The following KLB variants were observed in gnomAD, a reference collection of about 807,000 sequenced individuals.
KLB encodes the protein klotho beta.
Under a neutral mutation model 88.4 loss-of-function variants are expected in KLB, and 44 were observed. The observed-to-expected ratio is 0.50, with a 90% CI of 0.39 to 0.64. The LOEUF (loss-of-function observed/expected upper bound fraction) is 0.64. KLB is among the 30% of genes least tolerant of loss of function. KLB has a pLI of 0.00. For missense variants in KLB, 1,137 were observed against 1,304.8 expected, an observed-to-expected ratio of 0.87 and a Z score of 1.98; for synonymous variants, 548 against 513.4, an observed-to-expected ratio of 1.07 and a Z score of -0.91.
chr4:39,407,871 C>A, intron 1 of KLB, 97 bp downstream of exon 1: 1 of 692,846 alleles, frequency 1.4e-6, no homozygotes, highest in Non-Finnish European at 2.3e-6. Context: ...GAAATCAAGG[C>A]AACTGATTTT....
At chr4:39,447,828 G>C (rs183824707) in intron 4 of KLB, among the ~76,000 whole-genome samples, 314 of 152,252 alleles carry the variant, frequency 2.1e-3, no homozygotes, top group Non-Finnish European at 1.4e-3. Context: ...AAATTTATGG[G>C]ATGCATGAAA....
intron 1 of KLB, among the ~76,000 whole-genome samples, chr4:39,411,577 T>C (rs138855442): frequency 0.014 from 2,097 of 151,482 alleles, 52 homozygotes; most frequent in African/African-American, 0.049. Context: ...TGGCGTGCAG[T>C]GGCTCGATCT....
At chr4:39,442,729 G>A (rs577751966) in intron 3 of KLB, among the ~76,000 whole-genome samples, 2 of 152,042 alleles carry the variant, frequency 1.3e-5, no homozygotes, top group Admixed American at 6.5e-5. Context: ...CACTGCACCC[G>A]GCCTCTGCCT....
intron 1 of KLB, among the ~76,000 whole-genome samples, chr4:39,422,473 C>T (rs1318778994): frequency 6.6e-6 from 1 of 152,150 alleles, no homozygotes; most frequent in African/African-American, 2.4e-5. Context: ...GGTTTCCTCT[C>T]CTCTAAGTGG....
rs1481860661 is a variant in KLB at position 39,440,644 on chromosome 4, G to A, written c.1605+2649G>A. On this transcript the variant is annotated intron_variant, in intron 3 of 4. Coordinates refer to ENST00000257408, the MANE Select transcript of KLB (RefSeq NM_175737.4). ...TGTTGCCTGGCTCACTGCAACCTCC[G>A]CCTCCCGTGTTCGTGCAATTCTCCT... Among the ~76,000 whole-genome samples, 5 of 151,870 alleles carry A rather than the reference G, an allele frequency of 3.3e-5. No homozygotes were observed. The East Asian group carries it at 7.7e-4, about 23-fold the overall frequency.
In KLB at chr4:39,435,304, G is replaced by A. The variant is rs1578210737; in HGVS notation, c.1336+584G>A. On this transcript the variant is annotated intron_variant, in intron 2 of 4. Transcript: ENST00000257408. ...AGCTAATTTTTTATATTTTGGTAGAGATGGAGTTACATCATGTTGGCCAGG... is the reference window on the plus strand; with the variant it reads ...AGCTAATTTTTTATATTTTGGTAGAAATGGAGTTACATCATGTTGGCCAGG... Among the ~76,000 whole-genome samples the A allele has an allele frequency of 2.0e-5, 3 of 151,332 alleles. No homozygotes were observed. In the South Asian group the frequency reaches 6.3e-4, roughly 32 times the overall value.
intron 1 of KLB, among the ~76,000 whole-genome samples, chr4:39,417,816 A>G (rs1270589213): frequency 6.6e-6 from 1 of 152,184 alleles, no homozygotes; most frequent in African/African-American, 2.4e-5. Context: ...TTTGCCAGGT[A>G]GGTGTTCTGA....
rs1013200272 is a variant in KLB, at chr4:39,442,018, G to A, written c.1605+4023G>A. Among the ~76,000 whole-genome samples the A allele has an allele frequency of 2.0e-5, 3 of 152,228 alleles. No individual in the cohort carries two copies. In the East Asian group the frequency reaches 5.8e-4, roughly 29 times the overall value. Reference sequence around the variant, plus strand: ...GCACTTTGGGAGGCCAAGGTGGGAGGATCACTTGAGCTCAGGAGTTTGAGA... The same window carrying A: ...GCACTTTGGGAGGCCAAGGTGGGAGAATCACTTGAGCTCAGGAGTTTGAGA... On this transcript the variant is annotated intron_variant, in intron 3 of 4. Coordinates refer to ENST00000257408, the MANE Select transcript of KLB (RefSeq NM_175737.4).
chr4:39,439,912 C>A (rs995018729), intron 3 of KLB, among the ~76,000 whole-genome samples: 4 of 152,124 alleles, frequency 2.6e-5, no homozygotes, highest in African/African-American at 9.7e-5. Flanking sequence ...AGGTTATCCA[C>A]CCACCCCGGC....
At chr4:39,416,956 T>A (rs1742977315) in intron 1 of KLB, among the ~76,000 whole-genome samples, 1 of 152,150 alleles carries the variant, frequency 6.6e-6, no homozygotes, top group Non-Finnish European at 1.5e-5. Context: ...AAGACTCTTT[T>A]GCCCAAATCC....
intron 2 of KLB, among the ~76,000 whole-genome samples, chr4:39,437,206 C>T (rs1743492009): frequency 6.6e-6 from 1 of 152,200 alleles, no homozygotes; most frequent in Admixed American, 6.5e-5. Context: ...TGCTCTTTAG[C>T]CCAGCCAGTT....
At chr4:39,440,921 G>T (rs1218671093) in intron 3 of KLB, among the ~76,000 whole-genome samples, 1 of 152,088 alleles carries the variant, frequency 6.6e-6, no homozygotes, top group Non-Finnish European at 1.5e-5. Context: ...GCAGTGGCGT[G>T]ATCTCAGCTC....
Position 39,407,432 on chromosome 4 carries a change from T to C in KLB, c.483T>C (p.Asp161=). The change falls in exon 1 of 5, where the codon GAT becomes GAC. Residue 161 remains aspartate (D), a synonymous_variant. Transcript: ENST00000257408. ...TTTCCTGGCCAAGGCTTTTCCCCGA[T>C]GGAATAGTAACAGTTGCCAACGCAA... The part of the protein sequence containing the change: ...FSISWPRLFP[D]GIVTVANAKG... The C allele has an allele frequency of 6.2e-7, 1 of 1,614,142 alleles. No homozygotes were observed. Among genetic ancestry groups the C allele is most frequent in the Non-Finnish European group, 8.5e-7 (1 of 1,179,996 alleles).
chr4:39,407,355 A>G lies in KLB; in HGVS notation c.406A>G (p.Lys136Glu). 18 of 1,614,202 alleles carry G rather than the reference A, an allele frequency of 1.1e-5. No individual in the cohort carries two copies. The highest frequency in any genetic ancestry group is 1.5e-5 in the Non-Finnish European group (18 of 1,180,034). The change falls in exon 1 of 5, where the codon AAA becomes GAA. Residue 136 changes from lysine to glutamate, a missense_variant. Lys to Glu is a moderately conservative substitution (Grantham distance 56, BLOSUM62 1). Coordinates refer to ENST00000257408, the MANE Select transcript of KLB (RefSeq NM_175737.4). ...CAGTGACAGTTATATTTTTCTGGAA[A>G]AAGACTTATCAGCCCTGGATTTTAT... ...GSSDSYIFLE[K>E]DLSALDFIGV... is the part of the protein sequence containing the mutation.
intron 4 of KLB, among the ~76,000 whole-genome samples, chr4:39,447,878 T>C (rs971371074): frequency 2.0e-5 from 3 of 152,146 alleles, no homozygotes; most frequent in Non-Finnish European, 2.9e-5. Flanking sequence ...AACCACATCA[T>C]GGTAGCTTAA....
intron 1 of KLB, among the ~76,000 whole-genome samples, chr4:39,408,856 T>C (rs536250292): frequency 1.3e-5 from 2 of 151,534 alleles, no homozygotes; most frequent in East Asian, 3.9e-4. Context: ...TGTTACATTT[T>C]AAAAATGAAA....
At chr4:39,423,350 T>A (rs1222517567) in intron 1 of KLB, among the ~76,000 whole-genome samples, 3 of 151,846 alleles carry the variant, frequency 2.0e-5, no homozygotes, top group Non-Finnish European at 4.4e-5. Context: ...ATTCCAAAGG[T>A]ATATAGATAT....
chr4:39,448,697 C>G lies in KLB; in HGVS notation c.*11C>G. 1 of 1,598,798 alleles carries G rather than the reference C, an allele frequency of 6.3e-7. No individual in the cohort carries two copies. The highest frequency in any genetic ancestry group is 8.5e-7 in the Non-Finnish European group (1 of 1,176,208). ...AGAGTTGTTAGCTAAACTGATCTGT[C>G]TGCATGATAGACAGTTTAAAAATTC... On this transcript the variant is annotated 3_prime_UTR_variant, in exon 5 of 5. Coordinates refer to ENST00000257408, the MANE Select transcript of KLB (RefSeq NM_175737.4).
chr4:39,414,304 GAAA>G (rs10582036), intron 1 of KLB, among the ~76,000 whole-genome samples: 64 of 137,748 alleles, frequency 4.6e-4, no homozygotes, highest in Admixed American at 1.7e-3. Flanking sequence ...ACTGTTTTTA[GAAA>G]AAAAAAAAAA....
Sources: allele counts gnomAD v4.1 joint callset (sites outside exome capture counted in the v4.1 genomes callset), GRCh38; gene constraint gnomAD v4.1.1; transcripts MANE v1.5; gene names NCBI Gene and HGNC (gene_info 2026-07-23, HGNC 2026-07-21).